Variants in SPIN1 observed in about 807,000 individuals in gnomAD.
The protein encoded by SPIN1 is spindlin-1.
Under a neutral mutation model 26.0 loss-of-function variants are expected in SPIN1, and 3 were observed. The ratio of observed to expected loss-of-function variants is 0.12; its 90% CI spans 0.05 to 0.30. The LOEUF is 0.30. Ranked by LOEUF, SPIN1 falls within the 10% of genes least tolerant of loss-of-function variation. The pLI is 1.00. For missense variants in SPIN1, 126 were observed against 333.4 expected (o/e 0.38, Z 4.84); for synonymous variants, 101 against 116.5 (o/e 0.87, Z 0.86).
At chr9:88,441,368 C>T (rs1180769093) in intron 2 of SPIN1, among the ~76,000 whole-genome samples, 1 of 126,410 alleles carries the variant, frequency 7.9e-6, no homozygotes, top group East Asian at 2.1e-4. Flanking sequence ...ATTCTCTCTC[C>T]AGTCTGGTTG....
At chr9:88,420,104 G>C (rs142072332) in intron 1 of SPIN1, among the ~76,000 whole-genome samples, 2 of 152,208 alleles carry the variant, frequency 1.3e-5, no homozygotes, top group African/African-American at 4.8e-5. Context: ...GGCCAGGCGC[G>C]GTGGCTCATG....
At chr9:88,440,879 T>C (rs934735788) in intron 2 of SPIN1, among the ~76,000 whole-genome samples, 25 of 151,784 alleles carry the variant, frequency 1.6e-4, no homozygotes, top group African/African-American at 6.1e-4. Context: ...GCCTGGCCTC[T>C]TTCTTTCTTC....
At chr9:88,474,870 G>A (rs1336906611) in intron 5 of SPIN1, among the ~76,000 whole-genome samples, 2 of 152,116 alleles carry the variant, frequency 1.3e-5, no homozygotes, top group Non-Finnish European at 2.9e-5. Context: ...AGTTGGGACA[G>A]AGACCATATG....
At chr9:88,442,106 C>T (rs1339387012) in intron 2 of SPIN1, among the ~76,000 whole-genome samples, 5 of 150,710 alleles carry the variant, frequency 3.3e-5, no homozygotes, top group South Asian at 2.1e-4. Context: ...CGCTTGCCAC[C>T]GCACCCAGCT....
intron 1 of SPIN1, among the ~76,000 whole-genome samples, chr9:88,390,460 A>C (rs1826895551): frequency 6.6e-6 from 1 of 152,172 alleles, no homozygotes; most frequent in Admixed American, 6.5e-5. Context: ...GACTTACCTG[A>C]TTGCACATAG....
At chr9:88,445,442 A>G (rs946919184) in intron 2 of SPIN1, among the ~76,000 whole-genome samples, 4 of 151,706 alleles carry the variant, frequency 2.6e-5, no homozygotes, top group African/African-American at 7.3e-5. Context: ...AGTCAGGCCT[A>G]TCTCCCAGTT....
intron 1 of SPIN1, among the ~76,000 whole-genome samples, chr9:88,402,947 G>A (rs948718631): frequency 6.6e-5 from 10 of 151,960 alleles, no homozygotes; most frequent in African/African-American, 1.2e-4. Context: ...CCTTTTCTCC[G>A]CATCCTTGCC....
chr9:88,394,807 TA>T (rs1321394644), intron 1 of SPIN1, among the ~76,000 whole-genome samples: 16 of 136,272 alleles, frequency 1.2e-4, no homozygotes, highest in African/African-American at 3.2e-4. Context: ...TTATTTAATG[TA>T]TTTTTTTTTT....
chr9:88,464,959 C>T (rs1488420234), intron 4 of SPIN1, among the ~76,000 whole-genome samples: 4 of 152,182 alleles, frequency 2.6e-5, no homozygotes, highest in Non-Finnish European at 5.9e-5. Context: ...CACTCTGTCT[C>T]TATGAATTTG....
intron 4 of SPIN1, among the ~76,000 whole-genome samples, chr9:88,465,017 G>A (rs1828636693): frequency 2.0e-5 from 3 of 152,124 alleles, no homozygotes; most frequent in Admixed American, 2.0e-4. Flanking sequence ...TATTTGTTTT[G>A]TGAGTAACTT....
intron 2 of SPIN1, among the ~76,000 whole-genome samples, chr9:88,432,250 C>T (rs1166079336): frequency 7.9e-6 from 1 of 127,384 alleles, no homozygotes; most frequent in Non-Finnish European, 1.6e-5. Flanking sequence ...AGTGCAATGG[C>T]ATGATCTCAG....
At chr9:88,413,698 A>T (rs1345534964) in intron 1 of SPIN1, among the ~76,000 whole-genome samples, 2 of 152,110 alleles carry the variant, frequency 1.3e-5, no homozygotes, top group African/African-American at 4.8e-5. Flanking sequence ...GCCGGGCCAA[A>T]ATTAAGGTTT....
rs112091658 is a variant in SPIN1, at chr9:88,431,290, C to T, written c.52+4699C>T. On this transcript the variant is annotated intron_variant, in intron 2 of 5. Coordinates refer to ENST00000375859, the MANE Select transcript of SPIN1 (RefSeq NM_006717.3). ...AACAAATATTTCTCTCTCTCTCTCT[C>T]TTTTTTTTTTTTTGAGATGGAGTCT... Among the ~76,000 whole-genome samples the T allele has an allele frequency of 3.3e-3, 475 of 143,388 alleles. 1 individual carries two copies. The highest frequency in any genetic ancestry group is 0.011 in the Middle Eastern group (3 of 270). 94.1% of individuals were successfully genotyped at this position (143,388 alleles called of 152,430 possible).
chr9:88,413,291 C>G (rs1481678287), intron 1 of SPIN1, among the ~76,000 whole-genome samples: 1 of 151,778 alleles, frequency 6.6e-6, no homozygotes, highest in Non-Finnish European at 1.5e-5. Flanking sequence ...CTCCTGACAT[C>G]AGGTGATCTG....
At chr9:88,390,709 T>C (rs1826901081) in intron 1 of SPIN1, among the ~76,000 whole-genome samples, 1 of 152,206 alleles carries the variant, frequency 6.6e-6, no homozygotes. Flanking sequence ...GTTTAGAAGA[T>C]GTTATGGTAT....
At chr9:88,464,906 C>G (rs1828633233) in intron 4 of SPIN1, among the ~76,000 whole-genome samples, 1 of 152,286 alleles carries the variant, frequency 6.6e-6, no homozygotes, top group Non-Finnish European at 1.5e-5. Context: ...ACAAAACAAC[C>G]TACCTTTCCT....
intron 1 of SPIN1, among the ~76,000 whole-genome samples, chr9:88,409,647 A>G (rs1242158036): frequency 1.3e-5 from 2 of 151,698 alleles, no homozygotes; most frequent in Non-Finnish European, 2.9e-5. Flanking sequence ...TGTCCTGGCT[A>G]ACATGGTGAA....
chr9:88,414,280 T>C (rs1370805908), intron 1 of SPIN1, among the ~76,000 whole-genome samples: 1 of 152,206 alleles, frequency 6.6e-6, no homozygotes, highest in Non-Finnish European at 1.5e-5. Context: ...GCTGTTATCC[T>C]GGGGCTCAGA....
chr9:88,445,788 C>T (rs1828239589), intron 2 of SPIN1, among the ~76,000 whole-genome samples: 2 of 151,852 alleles, frequency 1.3e-5, no homozygotes, highest in Admixed American at 1.3e-4. Context: ...ATCCACCAGC[C>T]TTGGCCTCTC....
Sources: gnomAD v4.1 joint callset for allele counts (sites outside exome capture counted in the v4.1 genomes callset) on GRCh38, gnomAD v4.1.1 for gene constraint, MANE v1.5 for transcripts, NCBI Gene and HGNC (gene_info 2026-07-23, HGNC 2026-07-21) for gene names.